Variants in CEP350 observed in about 807,000 individuals in gnomAD.
CEP350 encodes centrosomal protein 350.
CEP350 carries 126 observed loss-of-function variants against 331.8 expected under a neutral mutation model. That is an observed-to-expected ratio of 0.38 (90% CI 0.33 to 0.44). The LOEUF is 0.44. Among genes scored for constraint, CEP350 ranks in the 20% least tolerant of loss-of-function variants. The probability of loss-of-function intolerance (pLI) is 1.00; values close to 1 mark genes in which losing one functional copy is unlikely to be tolerated. For missense variants in CEP350, 3,406 were observed against 3,634.6 expected (o/e 0.94, Z 1.62); for synonymous variants, 1,200 against 1,259.5 (o/e 0.95, Z 1.00).
intron 1 of CEP350, among the ~76,000 whole-genome samples, chr1:179,982,241 A>G (rs973724861): frequency 2.0e-5 from 3 of 152,166 alleles, no homozygotes; most frequent in Admixed American, 2.0e-4. Flanking sequence ...GGTGATGACT[A>G]TCCTCACTTC....
At chr1:180,040,061 CT>C (rs1656657058) in intron 17 of CEP350, among the ~76,000 whole-genome samples, 1 of 148,668 alleles carries the variant, frequency 6.7e-6, no homozygotes, top group South Asian at 2.1e-4. Context: ...TCCATTTGTT[CT>C]TCCCAAAAGA....
chr1:180,038,294 T>C (rs2148904802), intron 17 of CEP350, among the ~76,000 whole-genome samples: 1 of 152,364 alleles, frequency 6.6e-6, no homozygotes, highest in South Asian at 2.1e-4. Context: ...AGTTTTCCTA[T>C]TGATGTACAT....
At chr1:179,983,668 G>A (rs1652447107) in intron 1 of CEP350, among the ~76,000 whole-genome samples, 1 of 152,122 alleles carries the variant, frequency 6.6e-6, no homozygotes, top group African/African-American at 2.4e-5. Context: ...GGACTTAATA[G>A]GTGAGCCCTT....
At chr1:179,969,308 G>T in intron 1 of CEP350, 1 of 501,116 alleles carries the variant, frequency 2.0e-6, no homozygotes, top group South Asian at 1.5e-5. Flanking sequence ...GACCAAGGAA[G>T]AATTTTAGGG....
Position 180,052,957 on chromosome 1 carries a change from CAT to C in CEP350, c.4793-10_4793-9del. ...TTATAATGATAAAATCTACTTTCTC[CAT>C]ATTCTTTTAGACTCAACGTCTATTG... On this transcript the variant is annotated splice_polypyrimidine_tract_variant and intron_variant, in intron 22 of 37. Coordinates refer to ENST00000367607, the MANE Select transcript of CEP350 (RefSeq NM_014810.5). 9.7e-7 allele frequency: 1 copy of C among 1,026,368 alleles called. No individual in the cohort carries two copies. Among genetic ancestry groups the C allele is most frequent in the Non-Finnish European group, 1.5e-6 (1 of 680,500 alleles). The allele number at this position is 1,026,368 out of a possible 1,614,324, so 63.6% of individuals were successfully genotyped here.
intron 1 of CEP350, among the ~76,000 whole-genome samples, chr1:179,977,103 C>T (rs969746949): frequency 2.0e-5 from 3 of 152,162 alleles, no homozygotes; most frequent in Non-Finnish European, 4.4e-5. Context: ...GTCTGTTTTT[C>T]CGGGACTGGA....
intron 22 of CEP350, among the ~76,000 whole-genome samples, chr1:180,050,521 G>A (rs1657414432): frequency 6.6e-6 from 1 of 151,718 alleles, no homozygotes; most frequent in South Asian, 2.1e-4. Flanking sequence ...AAATTATCTG[G>A]GCATGGTGGT....
At chr1:180,018,694 G>A (rs1013260764) in intron 11 of CEP350, among the ~76,000 whole-genome samples, 1 of 152,098 alleles carries the variant, frequency 6.6e-6, no homozygotes, top group Non-Finnish European at 1.5e-5. Flanking sequence ...TACGATTGCA[G>A]CCTATAAAAA....
At chr1:180,100,774 G>A (rs1396825694) in intron 37 of CEP350, among the ~76,000 whole-genome samples, 1 of 152,216 alleles carries the variant, frequency 6.6e-6, no homozygotes, top group Non-Finnish European at 1.5e-5. Flanking sequence ...TGAATACATG[G>A]CAGCAGTAAG....
At chr1:180,024,679 T>C in intron 14 of CEP350, 97 bp downstream of exon 14, 1 of 1,333,520 alleles carries the variant, frequency 7.5e-7, no homozygotes, top group East Asian at 2.6e-5. Flanking sequence ...TTAGAAGAAT[T>C]TCTTATGGTA....
chr1:180,018,722 T>C (rs189476060), intron 11 of CEP350, among the ~76,000 whole-genome samples: 1 of 152,328 alleles, frequency 6.6e-6, no homozygotes, highest in Admixed American at 6.5e-5. Context: ...ATCTCATAAT[T>C]TGGTCATTTG....
Position 180,022,838 on chromosome 1 carries a change from CTT to C in CEP350, c.3377_3378del (p.Leu1126ArgfsTer4). On this transcript the variant is annotated frameshift_variant, in exon 13 of 38. Transcript: ENST00000367607. LOFTEE classifies it high-confidence loss of function. ...TGTSTEKKST[L>X]EPHSTLSPQE... ...GACTTCGACAGAAAAAAAATCAACT[CTT>C]GAACCTCAGTAAGATATATTGGCAA... 6.3e-7 allele frequency: 1 copy of C among 1,582,142 alleles called. No homozygotes were observed. The highest frequency in any genetic ancestry group is 8.6e-7 in the Non-Finnish European group (1 of 1,162,472).
chr1:179,987,224 TC>T lies in CEP350; in HGVS notation c.74-15del. 7.0e-7 allele frequency: 1 copy of T among 1,422,570 alleles called. No homozygotes were observed. The allele number at this position is 1,422,570 out of a possible 1,614,324, so 88.1% of individuals were successfully genotyped here. On this transcript the variant is annotated splice_polypyrimidine_tract_variant and intron_variant, in intron 2 of 37. Coordinates refer to ENST00000367607, the MANE Select transcript of CEP350 (RefSeq NM_014810.5). The stretch of plus-strand genomic sequence containing the variant: ...TTCTGGTTGATTGATAAAGTAAATA[TC>T]ATTTTTTTTCCCAGCAGATATAACC...
In CEP350 at chr1:179,990,503, T is replaced by G. The variant is rs1652977458; in HGVS notation, c.121-4T>G. On this transcript the variant is annotated splice_polypyrimidine_tract_variant and splice_region_variant and intron_variant, in intron 3 of 37. Transcript: ENST00000367607. ...TATGTCTTATGATGGTGTTTAAACT[T>G]TAGCTGAGACACATTGAAAATAAAT... The G allele has an allele frequency of 6.6e-7, 1 of 1,512,918 alleles. No individual in the cohort carries two copies. Among genetic ancestry groups the G allele is most frequent in the African/African-American group, 1.4e-5 (1 of 72,872 alleles). 93.7% of individuals were successfully genotyped at this position (1,512,918 alleles called of 1,614,324 possible). A position where few individuals can be genotyped will look rare whatever the true frequency, so the allele number is the denominator to read the frequency against.
chr1:179,958,926 CATT>C (rs1478920008), intron 1 of CEP350, among the ~76,000 whole-genome samples: 6 of 152,106 alleles, frequency 3.9e-5, no homozygotes, highest in African/African-American at 1.4e-4. Context: ...TAAGGATAGA[CATT>C]AAACATGTTA....
At position 180,032,002 on chromosome 1, in the gene CEP350, TC is replaced by T. The variant is rs369485101; in HGVS notation, c.3725+510del. 5.0e-3 allele frequency among the ~76,000 whole-genome samples: 754 copies of T among 151,682 alleles called. 9 individuals are homozygous for T. Among genetic ancestry groups the T allele is most frequent in the African/African-American group, 0.017 (718 of 41,540 alleles). On this transcript the variant is annotated intron_variant, in intron 15 of 37. Transcript: ENST00000367607. ...CCTTATTGTCTTATTGTTTATTTCT[TC>T]CTCTCAACTTTTCTGCTGAACTTAC...
chr1:180,048,150 C>T (rs1258705221), intron 21 of CEP350, among the ~76,000 whole-genome samples: 1 of 152,084 alleles, frequency 6.6e-6, no homozygotes, highest in Non-Finnish European at 1.5e-5. Flanking sequence ...TTATTTAGAA[C>T]AGTTTTAGTA....
rs956198294 is a variant in CEP350 at position 180,048,658 on chromosome 1, A to G, written c.4745A>G (p.Asp1582Gly). Reference sequence around the variant, plus strand: ...GATGAACAGGTTCAGACTGCTGCAGATGATTCTCTACGAAGTGATAGTGTT... The same window carrying G: ...GATGAACAGGTTCAGACTGCTGCAGGTGATTCTCTACGAAGTGATAGTGTT... ...SIDEQVQTAA[D>G]DSLRSDSVPS... Residue 1582 changes from aspartate to glycine, a missense_variant, in exon 22 of 38, where the codon GAT becomes GGT. By Grantham distance (94) the Asp-to-Gly change is moderately conservative. Transcript: ENST00000367607. 1.7e-5 allele frequency: 27 copies of G among 1,612,726 alleles called. No individual in the cohort carries two copies. The highest frequency in any genetic ancestry group is 2.1e-5 in the Non-Finnish European group (25 of 1,179,196).
At chr1:180,077,905 G>A (rs1054718657) in intron 28 of CEP350, among the ~76,000 whole-genome samples, 1 of 151,978 alleles carries the variant, frequency 6.6e-6, no homozygotes, top group Non-Finnish European at 1.5e-5. Context: ...AGGCCGAGGC[G>A]GGTGGATCAC....
Sources: gnomAD v4.1 joint callset for allele counts (sites outside exome capture counted in the v4.1 genomes callset) on GRCh38, gnomAD v4.1.1 for gene constraint, MANE v1.5 for transcripts, NCBI Gene and HGNC (gene_info 2026-07-23, HGNC 2026-07-21) for gene names.